The following S100PBP variants were observed in gnomAD, a reference collection of about 807,000 sequenced individuals.
S100PBP encodes the protein S100P-binding protein.
A neutral mutation model predicts 39.9 loss-of-function variants in S100PBP; 15 were observed. The observed-to-expected ratio is 0.38, with a 90% CI of 0.25 to 0.58. The LOEUF (loss-of-function observed/expected upper bound fraction) is 0.58, where lower values mean the gene tolerates loss of function less well. S100PBP is among the 20% of genes least tolerant of loss of function. S100PBP has a pLI of 0.70. For synonymous variants in S100PBP, 178 were observed against 180.3 expected, an observed-to-expected ratio of 0.99 and a Z score of 0.10; for missense variants, 504 against 487.3, an observed-to-expected ratio of 1.03 and a Z score of -0.32.
At chr1:32,848,799 T>A (rs375059178) in intron 5 of S100PBP, among the ~76,000 whole-genome samples, 15 of 152,352 alleles carry the variant, frequency 9.8e-5, no homozygotes, top group Non-Finnish European at 1.3e-4. Context: ...ATTTATAGAT[T>A]AAGATTTAGA....
At chr1:32,824,033 C>G (rs1312271310) in intron 1 of S100PBP, among the ~76,000 whole-genome samples, 6 of 152,232 alleles carry the variant, frequency 3.9e-5, no homozygotes, top group Non-Finnish European at 7.4e-5. Flanking sequence ...CCCATCTCTA[C>G]TAAAAATACA....
chr1:32,835,077 T>C (rs1410714643), intron 5 of S100PBP: 3 of 152,030 alleles, frequency 2.0e-5, no homozygotes, highest in Non-Finnish European at 4.4e-5. Context: ...GAGGCAGAAG[T>C]TGTAGTGAGC....
At chr1:32,845,445 A>C (rs1640323288) in intron 5 of S100PBP, among the ~76,000 whole-genome samples, 1 of 152,096 alleles carries the variant, frequency 6.6e-6, no homozygotes, top group South Asian at 2.1e-4. Flanking sequence ...CAAAAAAAAA[A>C]AGTTAAATAG....
chr1:32,854,236 T>A (rs146514327), intron 6 of S100PBP, among the ~76,000 whole-genome samples: 2 of 152,176 alleles, frequency 1.3e-5, no homozygotes, highest in Non-Finnish European at 2.9e-5. Context: ...CCTCTCTGGA[T>A]ACCAAAATCC....
chr1:32,826,465 A>G lies in S100PBP; in HGVS notation c.366A>G (p.Ser122=). ...TCAAACTACCTCAGCTAAGTACATC[A>G]AGTGGTCATGGACCAGCTCATACTA... is the stretch of plus-strand genomic sequence containing the variant. ...DLFKLPQLST[S]SGHGPAHTKP... The change falls in exon 3 of 7, where the codon TCA becomes TCG. Residue 122 remains serine (S), a synonymous_variant. Transcript: ENST00000373475. 2 of 1,614,172 alleles carry G rather than the reference A, an allele frequency of 1.2e-6. No homozygotes were observed.
chr1:32,816,756 A>C, upstream of S100PBP: 1 of 182,596 alleles, frequency 5.5e-6, no homozygotes, highest in South Asian at 1.1e-4. Flanking sequence ...TCCTCAGGGA[A>C]GCCTTCCCTT....
rs566803866 is a variant in S100PBP at position 32,821,738 on chromosome 1, G to A, written c.-119-3575G>A. On this transcript the variant is annotated intron_variant, in intron 1 of 6. Transcript: ENST00000373475. ...CAACCTCCGCCTCCTGGGTTTCAGC[G>A]AGTCTCCTGCCTCAGACTTCTGAAT... Among the ~76,000 whole-genome samples the A allele has an allele frequency of 7.3e-5, 11 of 151,608 alleles. No individual in the cohort carries two copies. The East Asian group carries it at 1.2e-3, about 16-fold the overall frequency.
chr1:32,847,141 C>T (rs1640416485), intron 5 of S100PBP, among the ~76,000 whole-genome samples: 1 of 152,138 alleles, frequency 6.6e-6, no homozygotes, highest in South Asian at 2.1e-4. Context: ...TTTATATGCA[C>T]TCACATACTT....
At chr1:32,841,828 G>GT (rs899189823) in intron 5 of S100PBP, among the ~76,000 whole-genome samples, 5 of 149,938 alleles carry the variant, frequency 3.3e-5, no homozygotes, top group Admixed American at 1.3e-4. Flanking sequence ...TTTCTCCTAT[G>GT]TTTTTTTCTA....
intron 3 of S100PBP, among the ~76,000 whole-genome samples, chr1:32,827,209 A>T (rs1307134530): frequency 1.3e-5 from 2 of 152,224 alleles, no homozygotes; most frequent in Admixed American, 1.3e-4. Flanking sequence ...ACTTCATAGT[A>T]TAATAAGGAT....
At chr1:32,819,405 T>C (rs1458523971) in intron 1 of S100PBP, among the ~76,000 whole-genome samples, 1 of 152,008 alleles carries the variant, frequency 6.6e-6, no homozygotes, top group African/African-American at 2.4e-5. Flanking sequence ...CCATCTCTAC[T>C]GTAAATACAA....
At chr1:32,852,528 A>C (rs547982483) in intron 5 of S100PBP, among the ~76,000 whole-genome samples, 1 of 150,888 alleles carries the variant, frequency 6.6e-6, no homozygotes, top group South Asian at 2.1e-4. Context: ...TCTGTTCTAA[A>C]CTCCTCTTGT....
At chr1:32,852,521 GT>G (rs764751458) in intron 5 of S100PBP, among the ~76,000 whole-genome samples, 3 of 152,132 alleles carry the variant, frequency 2.0e-5, no homozygotes, top group Non-Finnish European at 4.4e-5. Flanking sequence ...ACCTCCATCT[GT>G]TCTAAACTCC....
intron 6 of S100PBP, among the ~76,000 whole-genome samples, chr1:32,853,423 A>T (rs1245110643): frequency 6.7e-6 from 1 of 148,960 alleles, no homozygotes; most frequent in South Asian, 2.3e-4. Flanking sequence ...GTGAGCCAAG[A>T]TGGTGCCACT....
intron 6 of S100PBP, among the ~76,000 whole-genome samples, chr1:32,854,756 A>G (rs750128855): frequency 3.9e-5 from 6 of 152,198 alleles, no homozygotes; most frequent in Non-Finnish European, 5.9e-5. Context: ...GCTTTGGCCT[A>G]TGCTCACCGA....
At chr1:32,836,595 T>C (rs1241731240) in intron 5 of S100PBP, 3 of 981,414 alleles carry the variant, frequency 3.1e-6, no homozygotes, top group Non-Finnish European at 3.6e-6. Context: ...TGTAGAGTTG[T>C]TAATTGCTTC....
At chr1:32,844,990 G>A (rs1241944412) in intron 5 of S100PBP, among the ~76,000 whole-genome samples, 15 of 150,360 alleles carry the variant, frequency 1.0e-4, no homozygotes, top group East Asian at 3.9e-4. Flanking sequence ...CACCATGCCC[G>A]GCTAATTTTT....
intron 5 of S100PBP, among the ~76,000 whole-genome samples, chr1:32,850,964 G>A (rs939741945): frequency 1.3e-5 from 2 of 152,184 alleles, no homozygotes; most frequent in African/African-American, 4.8e-5. Flanking sequence ...ACCACTCACT[G>A]CACACACGCT....
intron 6 of S100PBP, among the ~76,000 whole-genome samples, chr1:32,854,059 C>T (rs1640729988): frequency 6.6e-6 from 1 of 151,958 alleles, no homozygotes; most frequent in Non-Finnish European, 1.5e-5. Flanking sequence ...ATTCTTGATG[C>T]AGTGTGGCTG....
Sources: gnomAD v4.1 joint callset for allele counts (sites outside exome capture counted in the v4.1 genomes callset) on GRCh38, gnomAD v4.1.1 for gene constraint, MANE v1.5 for transcripts, NCBI Gene and HGNC (gene_info 2026-07-23, HGNC 2026-07-21) for gene names.